The following AUTS2 variants were observed in gnomAD, a reference collection of about 807,000 sequenced individuals.
AUTS2 encodes the protein activator of transcription and developmental regulator AUTS2.
Under a neutral mutation model 112.4 loss-of-function variants are expected in AUTS2, and 17 were observed. That is an observed-to-expected ratio of 0.15 (90% CI 0.10 to 0.23). The LOEUF is 0.23. Among genes scored for constraint, AUTS2 ranks in the 10% least tolerant of loss-of-function variants. The pLI, the probability that AUTS2 is intolerant of heterozygous loss-of-function variation, is 1.00. For missense variants in AUTS2, 1,510 were observed against 1,701.6 expected, an observed-to-expected ratio of 0.89 and a Z score of 1.98; for synonymous variants, 751 against 702.7, an observed-to-expected ratio of 1.07 and a Z score of -1.09.
intron 5 of AUTS2, among the ~76,000 whole-genome samples, chr7:70,584,888 G>C (rs909101326): frequency 1.3e-5 from 2 of 152,238 alleles, no homozygotes; most frequent in Admixed American, 6.5e-5. Context: ...TGGAAGCCTG[G>C]CCTCACCCAG....
rs757348150 is a variant in AUTS2, at chr7:69,892,188, T to C, written c.310-7098T>C. 4.2e-3 allele frequency among the ~76,000 whole-genome samples: 626 copies of C among 150,630 alleles called. 5 individuals carry two copies. The highest frequency in any genetic ancestry group is 5.4e-3 in the Non-Finnish European group (364 of 67,554). ...TTTGAGAATTTTTTTTTTTTTTTTT[T>C]TTAAGATGGAATCTTGCTCTGTCGC... is the stretch of plus-strand genomic sequence containing the variant. On this transcript the variant is annotated intron_variant, in intron 1 of 18. Coordinates refer to ENST00000342771, the MANE Select transcript of AUTS2 (RefSeq NM_015570.4).
chr7:69,992,539 A>G (rs1025093299), intron 2 of AUTS2, among the ~76,000 whole-genome samples: 3 of 152,180 alleles, frequency 2.0e-5, no homozygotes, highest in African/African-American at 7.2e-5. Context: ...AGAAGACAAT[A>G]CTTGGAGAAG....
Position 70,261,040 on chromosome 7 carries a change from CCCGGCCAA to C in AUTS2, c.660+126472_660+126479del, listed in dbSNP as rs1161971881. Among the ~76,000 whole-genome samples the C allele has an allele frequency of 6.2e-4, 94 of 152,226 alleles. 1 individual carries two copies. The highest frequency in any genetic ancestry group is 2.8e-4 in the Non-Finnish European group (19 of 68,028). On this transcript the variant is annotated intron_variant, in intron 4 of 18. Coordinates refer to ENST00000342771, the MANE Select transcript of AUTS2 (RefSeq NM_015570.4). The stretch of plus-strand genomic sequence containing the variant: ...GGGATTACAGGTGTGAGCCACCGCG[CCCGGCCAA>C]CCTGTACACTTTTTGTAATAGCCAA...
At chr7:70,269,682 A>G (rs1382127489) in intron 4 of AUTS2, among the ~76,000 whole-genome samples, 1 of 152,252 alleles carries the variant, frequency 6.6e-6, no homozygotes, top group Non-Finnish European at 1.5e-5. Context: ...TAAGTCACAT[A>G]GTAAGCATTA....
intron 2 of AUTS2, among the ~76,000 whole-genome samples, chr7:69,937,112 T>C (rs1796443959): frequency 6.6e-6 from 1 of 152,170 alleles, no homozygotes; most frequent in South Asian, 2.1e-4. Context: ...TATGTGAGTA[T>C]GCACGAGGGA....
intron 11 of AUTS2, among the ~76,000 whole-genome samples, chr7:70,772,642 G>T (rs924830160): frequency 1.3e-5 from 2 of 152,172 alleles, no homozygotes; most frequent in African/African-American, 4.8e-5. Context: ...AGAATTAAAA[G>T]GCATTAGAGG....
chr7:70,613,610 A>G (rs542721302), intron 5 of AUTS2, among the ~76,000 whole-genome samples: 1 of 152,268 alleles, frequency 6.6e-6, no homozygotes, highest in African/African-American at 2.4e-5. Flanking sequence ...TGTTGACCCC[A>G]GGGATGGACA....
intron 6 of AUTS2, among the ~76,000 whole-genome samples, chr7:70,728,698 ACT>A (rs1403929378): frequency 1.7e-5 from 2 of 115,924 alleles, no homozygotes; most frequent in Admixed American, 1.1e-4. Context: ...ACAGAGCGAG[ACT>A]CTGTCTCAAA....
intron 6 of AUTS2, among the ~76,000 whole-genome samples, chr7:70,738,242 A>G (rs1787882513): frequency 6.6e-6 from 1 of 152,114 alleles, no homozygotes; most frequent in African/African-American, 2.4e-5. Context: ...ACCCGTTCTC[A>G]CTGCGGTTTT....
intron 4 of AUTS2, among the ~76,000 whole-genome samples, chr7:70,137,031 T>A (rs1270797098): frequency 6.6e-6 from 1 of 152,254 alleles, no homozygotes; most frequent in Non-Finnish European, 1.5e-5. Context: ...TTCTTTTATC[T>A]GTAGTGATAC....
chr7:69,809,038 G>A (rs947395547), intron 1 of AUTS2, among the ~76,000 whole-genome samples: 1 of 151,882 alleles, frequency 6.6e-6, no homozygotes, highest in Middle Eastern at 3.4e-3. Context: ...GAGGCTTTTG[G>A]TGGGGAATCA....
intron 4 of AUTS2, among the ~76,000 whole-genome samples, chr7:70,397,108 A>G (rs1221348698): frequency 6.6e-6 from 1 of 150,998 alleles, no homozygotes; most frequent in Non-Finnish European, 1.5e-5. Flanking sequence ...TTGTTGCCCA[A>G]GCTGGAGCTC....
At chr7:70,245,132 A>ACT (rs1354504494) in intron 4 of AUTS2, among the ~76,000 whole-genome samples, 1 of 98,974 alleles carries the variant, frequency 1.0e-5, no homozygotes. Context: ...AAAAAAAAAA[A>ACT]AGTGTGTGTG....
At chr7:69,794,902 A>G (rs187212425) in intron 1 of AUTS2, among the ~76,000 whole-genome samples, 1 of 152,200 alleles carries the variant, frequency 6.6e-6, no homozygotes, top group African/African-American at 2.4e-5. Context: ...AAATAGTGTC[A>G]TACATGTACC....
intron 5 of AUTS2, among the ~76,000 whole-genome samples, chr7:70,452,808 G>T (rs1210759280): frequency 6.6e-6 from 1 of 152,142 alleles, no homozygotes; most frequent in African/African-American, 2.4e-5. Flanking sequence ...AGCACAGGCG[G>T]TGGGCCCCCA....
At chr7:70,478,636 G>A (rs766232615) in intron 5 of AUTS2, among the ~76,000 whole-genome samples, 6 of 151,800 alleles carry the variant, frequency 4.0e-5, no homozygotes, top group African/African-American at 9.7e-5. Context: ...CACCTCTTTC[G>A]TTCAAGACCA....
intron 1 of AUTS2, among the ~76,000 whole-genome samples, chr7:69,605,161 G>A (rs561359868): frequency 6.6e-6 from 1 of 152,270 alleles, no homozygotes; most frequent in African/African-American, 2.4e-5. Flanking sequence ...TACTAGAAAG[G>A]ATCCAAAAAA....
At chr7:70,699,707 T>G (rs1809340009) in intron 6 of AUTS2, among the ~76,000 whole-genome samples, 1 of 152,230 alleles carries the variant, frequency 6.6e-6, no homozygotes, top group South Asian at 2.1e-4. Context: ...TAATGGAGTA[T>G]TCCAGTTTTA....
intron 1 of AUTS2, among the ~76,000 whole-genome samples, chr7:69,634,366 C>T (rs1329902804): frequency 2.6e-5 from 4 of 152,114 alleles, no homozygotes; most frequent in East Asian, 1.9e-4. Flanking sequence ...GTGATCCGCC[C>T]GCCTCGGCCT....
Sources: allele counts gnomAD v4.1 joint callset (sites outside exome capture counted in the v4.1 genomes callset), GRCh38; gene constraint gnomAD v4.1.1; transcripts MANE v1.5; gene names NCBI Gene and HGNC (gene_info 2026-07-23, HGNC 2026-07-21).